ROBO2: variants seen among roughly 807,000 people sequenced by gnomAD.
ROBO2 encodes roundabout homolog 2.
A neutral mutation model predicts 160.8 loss-of-function variants in ROBO2; 53 were observed. The observed-to-expected ratio is 0.33, with a 90% CI of 0.26 to 0.41. The LOEUF is 0.41. ROBO2 is among the 10% of genes least tolerant of loss of function. ROBO2 has a pLI of 1.00. For synonymous variants in ROBO2, 664 were observed against 611.7 expected (o/e 1.09, Z -1.26); for missense variants, 1,577 against 1,722.4 (o/e 0.92, Z 1.49).
chr3:76,386,557 C>CCATTGCTTG (rs2076901701), intron 2 of ROBO2, among the ~76,000 whole-genome samples: 1 of 151,902 alleles, frequency 6.6e-6, no homozygotes, highest in Middle Eastern at 3.2e-3. Flanking sequence ...AGGTTGCAAG[C>CCATTGCTTG]CATTGTGTTC....
At chr3:77,110,963 G>T (rs2073501418) in intron 2 of ROBO2, among the ~76,000 whole-genome samples, 1 of 152,030 alleles carries the variant, frequency 6.6e-6, no homozygotes, top group Admixed American at 6.6e-5. Context: ...CAAAGTGCTG[G>T]AACTACAGGT....
At chr3:76,741,017 A>G (rs2093793578) in intron 2 of ROBO2, among the ~76,000 whole-genome samples, 1 of 152,072 alleles carries the variant, frequency 6.6e-6, no homozygotes, top group Non-Finnish European at 1.5e-5. Context: ...GCTTACTACA[A>G]ATAGTATTTT....
intron 2 of ROBO2, among the ~76,000 whole-genome samples, chr3:77,099,128 A>G (rs1490095799): frequency 1.4e-5 from 2 of 143,328 alleles, no homozygotes; most frequent in Non-Finnish European, 3.0e-5. Context: ...CCGGAGTGCA[A>G]TGGCGCGATC....
chr3:77,459,857 A>G (rs1051973631), intron 2 of ROBO2, among the ~76,000 whole-genome samples: 1 of 150,042 alleles, frequency 6.7e-6, no homozygotes. Flanking sequence ...AGGGGTAGAT[A>G]CTACGAGATG....
chr3:77,375,440 C>T (rs906248994), intron 2 of ROBO2, among the ~76,000 whole-genome samples: 2 of 152,130 alleles, frequency 1.3e-5, no homozygotes, highest in Non-Finnish European at 2.9e-5. Context: ...TAGAACTTCA[C>T]TTTTAGTGCT....
At chr3:77,584,885 T>G (rs979828256) in intron 16 of ROBO2, among the ~76,000 whole-genome samples, 3 of 97,552 alleles carry the variant, frequency 3.1e-5, no homozygotes, top group Non-Finnish European at 4.1e-5. Context: ...AAGTTATATA[T>G]ATATGTATGT....
chr3:76,288,586 A>G (rs1399143852), intron 2 of ROBO2, among the ~76,000 whole-genome samples: 1 of 151,872 alleles, frequency 6.6e-6, no homozygotes, highest in African/African-American at 2.4e-5. Flanking sequence ...AGTTTATTTC[A>G]TCACACAGGT....
At chr3:77,584,693 A>G (rs988519073) in intron 16 of ROBO2, among the ~76,000 whole-genome samples, 1 of 151,990 alleles carries the variant, frequency 6.6e-6, no homozygotes, top group African/African-American at 2.4e-5. Context: ...CTCTTTCTTA[A>G]TTAGTCATTC....
intron 2 of ROBO2, among the ~76,000 whole-genome samples, chr3:76,631,310 T>C (rs1378975230): frequency 6.6e-6 from 1 of 152,176 alleles, no homozygotes; most frequent in East Asian, 1.9e-4. Context: ...TCTTGCTATA[T>C]TTTGGGAAAA....
intron 2 of ROBO2, among the ~76,000 whole-genome samples, chr3:76,360,649 C>T (rs1358099532): frequency 2.0e-5 from 3 of 152,176 alleles, no homozygotes; most frequent in African/African-American, 4.8e-5. Flanking sequence ...TCAATTAAAA[C>T]GCTCACCTTG....
At chr3:76,268,418 C>T (rs990702242) in intron 2 of ROBO2, among the ~76,000 whole-genome samples, 1 of 152,160 alleles carries the variant, frequency 6.6e-6, no homozygotes, top group African/African-American at 2.4e-5. Flanking sequence ...TGTATTTTCT[C>T]GCATTTCTGG....
chr3:76,445,878 T>A (rs1468844265), intron 2 of ROBO2, among the ~76,000 whole-genome samples: 1 of 152,170 alleles, frequency 6.6e-6, no homozygotes, highest in Non-Finnish European at 1.5e-5. Flanking sequence ...TAGGTACTGA[T>A]GGGACGTATC....
chr3:76,571,737 T>C (rs139354823), intron 2 of ROBO2, among the ~76,000 whole-genome samples: 1 of 152,232 alleles, frequency 6.6e-6, no homozygotes, highest in African/African-American at 2.4e-5. Context: ...AAATAGAAGG[T>C]AATTTCTAGC....
At chr3:76,535,034 G>T (rs1394615665) in intron 2 of ROBO2, among the ~76,000 whole-genome samples, 1 of 152,166 alleles carries the variant, frequency 6.6e-6, no homozygotes, top group African/African-American at 2.4e-5. Context: ...GGACAGTCTG[G>T]GTGAGTTGCT....
intron 2 of ROBO2, among the ~76,000 whole-genome samples, chr3:76,433,563 G>A (rs1269276030): frequency 6.6e-6 from 1 of 152,040 alleles, no homozygotes; most frequent in East Asian, 1.9e-4. Flanking sequence ...AAAACAATAA[G>A]TGCGTCAAGT....
chr3:76,102,612 C>T (rs539960009), intron 2 of ROBO2, among the ~76,000 whole-genome samples: 3 of 152,092 alleles, frequency 2.0e-5, no homozygotes, highest in Non-Finnish European at 4.4e-5. Context: ...AAGAAAGATA[C>T]AGATTGAAAA....
intron 2 of ROBO2, among the ~76,000 whole-genome samples, chr3:76,993,473 T>C (rs773633380): frequency 6.6e-6 from 1 of 152,200 alleles, no homozygotes; most frequent in Non-Finnish European, 1.5e-5. Context: ...AATTTTTTAA[T>C]ATTATTTTGA....
At position 76,287,612 on chromosome 3, in the gene ROBO2, G is replaced by T. The variant is rs571399946; in HGVS notation, c.109+350010G>T. 3.3e-5 allele frequency among the ~76,000 whole-genome samples: 5 copies of T among 152,230 alleles called. No homozygotes were observed. In the East Asian group the frequency reaches 9.7e-4, roughly 29 times the overall value. ...GCCGTGCCCGGCCCTTTTCTTAAGT[G>T]ATTATTCTATTTTTGGTGTTTTGCG... is the stretch of plus-strand genomic sequence containing the variant. On this transcript the variant is annotated intron_variant, in intron 2 of 26. Transcript: ENST00000487694.
At chr3:77,116,811 G>A (rs1201395479) in intron 2 of ROBO2, among the ~76,000 whole-genome samples, 1 of 152,146 alleles carries the variant, frequency 6.6e-6, no homozygotes, top group Non-Finnish European at 1.5e-5. Context: ...ACCAGTCAGT[G>A]ATTAAACATA....
Sources: gnomAD v4.1 joint callset for allele counts (sites outside exome capture counted in the v4.1 genomes callset) on GRCh38, gnomAD v4.1.1 for gene constraint, MANE v1.5 for transcripts, NCBI Gene and HGNC (gene_info 2026-07-23, HGNC 2026-07-21) for gene names.